The following SEC22A variants were observed in gnomAD, a reference collection of about 807,000 sequenced individuals.
The protein encoded by SEC22A is SEC22 homolog A, vesicle trafficking protein, also known as vesicle-trafficking protein SEC22a.
In SEC22A, 22 loss-of-function variants were observed where a neutral mutation model predicts 35.3. The ratio of observed to expected loss-of-function variants is 0.62; its 90% CI spans 0.45 to 0.89. SEC22A has a LOEUF of 0.89. Among genes scored for constraint, SEC22A ranks in the 40% least tolerant of loss-of-function variants. The pLI is 0.00. For synonymous variants in SEC22A, 119 were observed against 129.5 expected (o/e 0.92, Z 0.55); for missense variants, 354 against 362.5 (o/e 0.98, Z 0.19).
intron 6 of SEC22A, among the ~76,000 whole-genome samples, chr3:123,261,524 TATA>T (rs1937894491): frequency 6.6e-6 from 1 of 152,150 alleles, no homozygotes; most frequent in Non-Finnish European, 1.5e-5. Flanking sequence ...GTAATAAAGT[TATA>T]ATTTTATAAC....
At chr3:123,258,456 T>G (rs1301073703) in intron 5 of SEC22A, among the ~76,000 whole-genome samples, 1 of 152,168 alleles carries the variant, frequency 6.6e-6, no homozygotes, top group African/African-American at 2.4e-5. Flanking sequence ...CAAGCAGAAC[T>G]TATTTAAGGT....
At chr3:123,220,543 A>G (rs1937099598) in intron 2 of SEC22A, among the ~76,000 whole-genome samples, 1 of 152,150 alleles carries the variant, frequency 6.6e-6, no homozygotes, top group African/African-American at 2.4e-5. Context: ...TACTTTGTGA[A>G]TGCTGTATAT....
chr3:123,229,771 A>AG (rs1937281395), intron 4 of SEC22A, among the ~76,000 whole-genome samples: 1 of 152,088 alleles, frequency 6.6e-6, no homozygotes, highest in South Asian at 2.1e-4. Context: ...CTGAGGCAGG[A>AG]GAATTGCTTG....
chr3:123,206,735 A>G (rs1936860582), intron 1 of SEC22A, among the ~76,000 whole-genome samples: 1 of 152,210 alleles, frequency 6.6e-6, no homozygotes, highest in African/African-American at 2.4e-5. Flanking sequence ...CTGGGACTTC[A>G]GTTTGAAGAC....
intron 5 of SEC22A, among the ~76,000 whole-genome samples, chr3:123,250,973 T>C (rs189753968): frequency 2.6e-3 from 390 of 152,342 alleles, no homozygotes; most frequent in Non-Finnish European, 4.5e-3. Context: ...AATTTTTGAA[T>C]CATGAATATT....
rs1936923699 is a variant in SEC22A at position 123,210,452 on chromosome 3, G to C, written c.182+1053G>C. ...TAGCTGAAATGAGCAAGAAAGGAGA[G>C]GATAAGTGCGTCTCCTTGGTAAAAA... On this transcript the variant is annotated intron_variant, in intron 2 of 6. Coordinates refer to ENST00000492595, the MANE Select transcript of SEC22A (RefSeq NM_012430.5). Among the ~76,000 whole-genome samples the C allele has an allele frequency of 5.3e-5, 8 of 152,184 alleles. No homozygotes were observed. The South Asian group carries it at 1.7e-3, about 32-fold the overall frequency.
chr3:123,269,177 ATATGTGTG>A (rs1471934389), intron 6 of SEC22A, among the ~76,000 whole-genome samples: 11 of 112,128 alleles, frequency 9.8e-5, no homozygotes, highest in Non-Finnish European at 1.3e-4. Flanking sequence ...TGAATTAAAT[ATATGTGTG>A]TGTGTGTGTG....
At chr3:123,216,968 G>C (rs1479602832) in intron 2 of SEC22A, among the ~76,000 whole-genome samples, 3 of 150,132 alleles carry the variant, frequency 2.0e-5, no homozygotes, top group African/African-American at 7.4e-5. Context: ...CTGTGACTAT[G>C]GGTGTGCATC....
At position 123,272,295 on chromosome 3, in the gene SEC22A, A is replaced by G. The variant is rs1938187935; in HGVS notation, c.*573A>G. The G allele has an allele frequency of 6.6e-6, 1 of 152,528 alleles. No homozygotes were observed. The highest frequency in any genetic ancestry group is 1.5e-5 in the Non-Finnish European group (1 of 68,222). The allele number at this position is 152,528 out of a possible 1,614,324, so 9.4% of individuals were successfully genotyped here. On this transcript the variant is annotated 3_prime_UTR_variant, in exon 7 of 7. Coordinates refer to ENST00000492595, the MANE Select transcript of SEC22A (RefSeq NM_012430.5). ...AACTCTGGAAATCACCTGATGTAGA[A>G]GAAGACTGTGATGAGCTCGTCTGTG...
chr3:123,257,995 G>GAAAAAAAAAAAAAAAAAAA lies in SEC22A; in HGVS notation c.658-1516_658-1515insAAAAAAAAAAAAAAAAAAA, dbSNP rs61068587. 6.3e-5 allele frequency among the ~76,000 whole-genome samples: 7 copies of GAAAAAAAAAAAAAAAAAAA among 111,478 alleles called. 1 individual carries two copies. The highest frequency in any genetic ancestry group is 1.1e-4 in the Non-Finnish European group (6 of 52,748). 73.1% of individuals were successfully genotyped at this position (111,478 alleles called of 152,430 possible). On this transcript the variant is annotated intron_variant, in intron 5 of 6. Coordinates refer to ENST00000492595, the MANE Select transcript of SEC22A (RefSeq NM_012430.5). ...TGACAGAGCAAGACTCCATCTCATT[G>GAAAAAAAAAAAAAAAAAAA]AAAAAAAAAAAAAGGAAGGAAGGAA...
At chr3:123,215,703 G>T (rs1421883392) in intron 2 of SEC22A, among the ~76,000 whole-genome samples, 2 of 152,110 alleles carry the variant, frequency 1.3e-5, no homozygotes, top group African/African-American at 2.4e-5. Flanking sequence ...CAATCTTTTG[G>T]ATTCAGGCAT....
intron 2 of SEC22A, among the ~76,000 whole-genome samples, chr3:123,212,865 C>T (rs570027811): frequency 2.6e-5 from 4 of 151,996 alleles, no homozygotes; most frequent in South Asian, 2.1e-4. Flanking sequence ...CAGATATTAC[C>T]GTTGAGTTTC....
At chr3:123,240,744 C>G (rs1937512433) in intron 4 of SEC22A, among the ~76,000 whole-genome samples, 1 of 152,006 alleles carries the variant, frequency 6.6e-6, no homozygotes, top group African/African-American at 2.4e-5. Context: ...AATTTGTGAG[C>G]ATTTTGATTA....
At chr3:123,234,596 AT>A (rs1161316180) in intron 4 of SEC22A, among the ~76,000 whole-genome samples, 7 of 151,902 alleles carry the variant, frequency 4.6e-5, no homozygotes, top group South Asian at 2.1e-4. Context: ...CTCAAAAAAA[AT>A]ATATAAATTA....
chr3:123,220,658 A>G (rs555847254), intron 2 of SEC22A, among the ~76,000 whole-genome samples: 5 of 152,072 alleles, frequency 3.3e-5, no homozygotes, highest in African/African-American at 7.2e-5. Context: ...AACTAGTTTT[A>G]TGACATAGTG....
At chr3:123,230,166 C>T (rs181635372) in intron 4 of SEC22A, among the ~76,000 whole-genome samples, 31 of 152,200 alleles carry the variant, frequency 2.0e-4, no homozygotes, top group Admixed American at 9.8e-4. Flanking sequence ...CATTTTTCTT[C>T]TACTCTCTAC....
intron 2 of SEC22A, among the ~76,000 whole-genome samples, chr3:123,214,523 C>G (rs548972831): frequency 6.6e-6 from 1 of 152,088 alleles, no homozygotes; most frequent in African/African-American, 2.4e-5. Flanking sequence ...TAGTGATATT[C>G]CAATTCTCTC....
chr3:123,218,874 T>C (rs1937076793), intron 2 of SEC22A, among the ~76,000 whole-genome samples: 2 of 152,206 alleles, frequency 1.3e-5, no homozygotes, highest in South Asian at 2.1e-4. Context: ...TTCTAAGTGC[T>C]AAGAATATAA....
At chr3:123,246,839 C>T (rs1220156311) in intron 5 of SEC22A, among the ~76,000 whole-genome samples, 3 of 152,288 alleles carry the variant, frequency 2.0e-5, no homozygotes, top group Non-Finnish European at 4.4e-5. Flanking sequence ...CCACTGAGCA[C>T]ACTTTATATT....
Sources: allele counts gnomAD v4.1 joint callset (sites outside exome capture counted in the v4.1 genomes callset), GRCh38; gene constraint gnomAD v4.1.1; transcripts MANE v1.5; gene names NCBI Gene and HGNC (gene_info 2026-07-23, HGNC 2026-07-21).